ITFG1: variants seen among roughly 807,000 people sequenced by gnomAD.
The protein encoded by ITFG1 is T-cell immunomodulatory protein.
ITFG1 carries 34 observed loss-of-function variants against 81.8 expected under a neutral mutation model. That is an observed-to-expected ratio of 0.42 (90% CI 0.32 to 0.55). The LOEUF is 0.55. Among genes scored for constraint, ITFG1 ranks in the 20% least tolerant of loss-of-function variants. ITFG1 has a pLI of 0.17. For synonymous variants in ITFG1, 285 were observed against 270.6 expected (o/e 1.05, Z -0.52); for missense variants, 672 against 755.4 (o/e 0.89, Z 1.29).
At chr16:47,331,405 T>C (rs532532809) in intron 8 of ITFG1, among the ~76,000 whole-genome samples, 99 of 152,184 alleles carry the variant, frequency 6.5e-4, no homozygotes, top group Non-Finnish European at 8.7e-4. Flanking sequence ...ACAGGATCAA[T>C]AGAAGCCCAG....
At chr16:47,275,850 T>C (rs1158369662) in intron 10 of ITFG1, among the ~76,000 whole-genome samples, 5 of 152,132 alleles carry the variant, frequency 3.3e-5, no homozygotes, top group Non-Finnish European at 5.9e-5. Context: ...TTTTAAAATT[T>C]GTACTTCCTA....
At chr16:47,376,964 CAAAAA>C (rs1222007051) in intron 6 of ITFG1, among the ~76,000 whole-genome samples, 505 of 17,996 alleles carry the variant, frequency 0.028, 9 homozygotes, top group African/African-American at 0.061. Context: ...TCTGTCTCCC[CAAAAA>C]AAAAAAAAAA....
chr16:47,202,006 T>C (rs529330204), intron 14 of ITFG1: 1 of 152,330 alleles, frequency 6.6e-6, no homozygotes, highest in East Asian at 1.9e-4. Context: ...CTAACAGTTT[T>C]ACCATACAAA....
intron 2 of ITFG1, among the ~76,000 whole-genome samples, chr16:47,456,007 A>G (rs1420156073): frequency 6.6e-6 from 1 of 152,084 alleles, no homozygotes; most frequent in Non-Finnish European, 1.5e-5. Context: ...AAAGCTCCCA[A>G]GGATAGAGGC....
chr16:47,181,996 G>A (rs1003141395), intron 14 of ITFG1, among the ~76,000 whole-genome samples: 2 of 152,052 alleles, frequency 1.3e-5, no homozygotes, highest in African/African-American at 2.4e-5. Context: ...GGCTCCTTAA[G>A]AGTCATCACC....
intron 11 of ITFG1, among the ~76,000 whole-genome samples, chr16:47,259,355 T>C (rs1966178356): frequency 1.3e-5 from 2 of 152,214 alleles, no homozygotes; most frequent in African/African-American, 4.8e-5. Context: ...AGAAAATTTA[T>C]TTCCCAGTTT....
chr16:47,345,303 GT>G (rs1300147482), intron 8 of ITFG1, among the ~76,000 whole-genome samples: 2 of 144,332 alleles, frequency 1.4e-5, no homozygotes, highest in African/African-American at 5.5e-5. Context: ...TTTTTTTTTT[GT>G]TTGTTTGTTT....
intron 10 of ITFG1, among the ~76,000 whole-genome samples, chr16:47,305,060 T>C (rs1050861978): frequency 6.6e-6 from 1 of 152,180 alleles, no homozygotes; most frequent in African/African-American, 2.4e-5. Flanking sequence ...GTGTACTCAG[T>C]GCACTTCATG....
intron 14 of ITFG1, among the ~76,000 whole-genome samples, chr16:47,171,209 T>C (rs1028238325): frequency 6.6e-5 from 10 of 152,070 alleles, no homozygotes; most frequent in African/African-American, 2.2e-4. Context: ...GGACTCACTG[T>C]GTTGCCTAGG....
At chr16:47,435,175 C>T (rs1463211983) in intron 5 of ITFG1, among the ~76,000 whole-genome samples, 1 of 152,056 alleles carries the variant, frequency 6.6e-6, no homozygotes, top group Non-Finnish European at 1.5e-5. Flanking sequence ...CACATGTATC[C>T]CTGAACTTAA....
chr16:47,355,946 T>C (rs1438040649), intron 8 of ITFG1, among the ~76,000 whole-genome samples: 1 of 152,220 alleles, frequency 6.6e-6, no homozygotes, highest in African/African-American at 2.4e-5. Flanking sequence ...CACATGGTTC[T>C]AAAAGCAAAC....
intron 10 of ITFG1, among the ~76,000 whole-genome samples, chr16:47,296,751 A>G (rs753668377): frequency 2.6e-4 from 40 of 152,272 alleles, no homozygotes; most frequent in Non-Finnish European, 4.6e-4. Flanking sequence ...TATAGTTTTG[A>G]GAATTTCCGT....
chr16:47,222,684 A>G (rs1965708348), intron 13 of ITFG1, among the ~76,000 whole-genome samples: 1 of 152,248 alleles, frequency 6.6e-6, no homozygotes, highest in East Asian at 1.9e-4. Flanking sequence ...AAGTGCTGGG[A>G]TTACAGGCGT....
chr16:47,438,339 T>C (rs535596688), intron 5 of ITFG1, among the ~76,000 whole-genome samples: 6 of 152,300 alleles, frequency 3.9e-5, no homozygotes, highest in Admixed American at 6.5e-5. Flanking sequence ...AAGAGAGTAG[T>C]GGTTCTCCAG....
At chr16:47,175,228 C>G (rs975668849) in intron 14 of ITFG1, among the ~76,000 whole-genome samples, 13 of 151,924 alleles carry the variant, frequency 8.6e-5, no homozygotes, top group African/African-American at 3.1e-4. Context: ...TTCTTGTGTA[C>G]TATTTCAACT....
chr16:47,190,107 T>C (rs914600331), intron 14 of ITFG1, among the ~76,000 whole-genome samples: 7 of 152,194 alleles, frequency 4.6e-5, no homozygotes, highest in African/African-American at 1.7e-4. Context: ...ATGGGAAAGC[T>C]TGACTTATGA....
intron 7 of ITFG1, among the ~76,000 whole-genome samples, chr16:47,368,093 G>T (rs1182706004): frequency 6.6e-6 from 1 of 152,010 alleles, no homozygotes. Context: ...AATTAGCCAG[G>T]CATGTTGGCG....
chr16:47,433,126 C>G (rs1596980685), intron 5 of ITFG1, among the ~76,000 whole-genome samples: 1 of 152,138 alleles, frequency 6.6e-6, no homozygotes, highest in East Asian at 1.9e-4. Flanking sequence ...TTTGGAAAAA[C>G]TCAACTACCT....
chr16:47,303,257 C>T (rs570253210), intron 10 of ITFG1, among the ~76,000 whole-genome samples: 3 of 151,280 alleles, frequency 2.0e-5, no homozygotes, highest in Non-Finnish European at 3.0e-5. Context: ...GATGACAGAG[C>T]GAGACTCCAT....
Sources: gnomAD v4.1 joint callset for allele counts (sites outside exome capture counted in the v4.1 genomes callset) on GRCh38, gnomAD v4.1.1 for gene constraint, MANE v1.5 for transcripts, NCBI Gene and HGNC (gene_info 2026-07-23, HGNC 2026-07-21) for gene names.